The following TPCN1 variants were observed in gnomAD, a reference collection of about 807,000 sequenced individuals.
TPCN1 encodes the protein two pore channel protein 1.
In TPCN1, 52 loss-of-function variants were observed where a neutral mutation model predicts 108.8. The ratio of observed to expected loss-of-function variants is 0.48; its 90% CI spans 0.38 to 0.60. TPCN1 has a LOEUF of 0.60. TPCN1 is among the 20% of genes least tolerant of loss of function. The pLI, the probability that TPCN1 is intolerant of heterozygous loss-of-function variation, is 0.00. For missense variants in TPCN1, 806 were observed against 1,072.8 expected (o/e 0.75, Z 3.47); for synonymous variants, 446 against 433.7 (o/e 1.03, Z -0.35).
chr12:113,226,366 C>T (rs1953470979), intron 1 of TPCN1, among the ~76,000 whole-genome samples: 1 of 152,078 alleles, frequency 6.6e-6, no homozygotes, highest in Admixed American at 6.5e-5. Flanking sequence ...CTGCAGCTTC[C>T]ACCTCCTGGG....
chr12:113,288,403 G>T lies in TPCN1; in HGVS notation c.1706+169G>T. On this transcript the variant is annotated intron_variant, in intron 20 of 27. Transcript: ENST00000335509. The surrounding 1 kb of genome is among the most constrained non-coding windows in gnomAD (Gnocchi z 4.8). Reference sequence around the variant, plus strand: ...AATCTTGACCACCACAGGTCTCCTGGGCACCATTTTTCTCCACTGACCTGT... The same window carrying T: ...AATCTTGACCACCACAGGTCTCCTGTGCACCATTTTTCTCCACTGACCTGT... The T allele has an allele frequency of 6.7e-7, 1 of 1,487,220 alleles. No individual in the cohort carries two copies. The highest frequency in any genetic ancestry group is 8.9e-7 in the Non-Finnish European group (1 of 1,120,698). The allele number at this position is 1,487,220 out of a possible 1,614,324, so 92.1% of individuals were successfully genotyped here. A position where few individuals can be genotyped will look rare whatever the true frequency, so the allele number is the denominator to read the frequency against.
chr12:113,276,767 AC>A (rs1955685664), intron 10 of TPCN1, 151 bp from the exon 11 acceptor site: 4 of 642,644 alleles, frequency 6.2e-6, no homozygotes, highest in Admixed American at 2.6e-5. Flanking sequence ...CTGACTTCCT[AC>A]CCCATGAGGT....
rs1229577114 is a variant in TPCN1 at position 113,268,605 on chromosome 12, A to C, written c.529-137A>C. ...TCTGGGGCTGCCTGATGTTGGCAGG[A>C]AGTGTGAGAGGGCTGGAGAGAGGAG... On this transcript the variant is annotated intron_variant, in intron 5 of 27. Transcript: ENST00000335509. The surrounding 1 kb of genome is among the most constrained non-coding windows in gnomAD (Gnocchi z 7.3). 1 of 1,041,940 alleles carries C rather than the reference A, an allele frequency of 9.6e-7. No individual in the cohort carries two copies. The highest frequency in any genetic ancestry group is 2.7e-5 in the East Asian group (1 of 37,340). The allele number at this position is 1,041,940 out of a possible 1,614,324, so 64.5% of individuals were successfully genotyped here. A position where few individuals can be genotyped will look rare whatever the true frequency, so the allele number is the denominator to read the frequency against.
rs772164536 is a variant in TPCN1, at chr12:113,266,539, G to A, written c.414+183G>A. ...CCTGGGTGTCCCTGCTGGAGTGAAT[G>A]GCCTTCACCCAGTCTCTCTGGGATT... On this transcript the variant is annotated intron_variant, in intron 4 of 27. Transcript: ENST00000335509. The surrounding 1 kb of genome is among the most constrained non-coding windows in gnomAD (Gnocchi z 4.2). 6.6e-6 allele frequency among the ~76,000 whole-genome samples: 1 copy of A among 152,214 alleles called. No individual in the cohort carries two copies. The highest frequency in any genetic ancestry group is 6.5e-5 in the Admixed American group (1 of 15,290).
rs1953714921 is a variant in TPCN1, at chr12:113,232,225, C to T, written c.112+5261C>T. On this transcript the variant is annotated intron_variant, in intron 2 of 27. Coordinates refer to ENST00000335509, the MANE Select transcript of TPCN1 (RefSeq NM_017901.6). This position sits in a 1 kb window ranked among gnomAD's most constrained non-coding sequence, Gnocchi z 5.6. ...CAGCGCAGAGAGCTGACCTCTCCCTCCTTCACGCCGATGCCTGGCACATCA... is the reference window on the plus strand; with the variant it reads ...CAGCGCAGAGAGCTGACCTCTCCCTTCTTCACGCCGATGCCTGGCACATCA... Among the ~76,000 whole-genome samples, 1 of 152,266 alleles carries T rather than the reference C, an allele frequency of 6.6e-6. No homozygotes were observed. The highest frequency in any genetic ancestry group is 2.4e-5 in the African/African-American group (1 of 41,480).
chr12:113,242,796 C>CA (rs2136483848), intron 2 of TPCN1, among the ~76,000 whole-genome samples: 1 of 152,340 alleles, frequency 6.6e-6, no homozygotes, highest in East Asian at 1.9e-4. Flanking sequence ...CCTCATCCCT[C>CA]ATGCTTGAAA....
rs200318809 is a variant in TPCN1, at chr12:113,279,307, G to GTA, written c.1297+482_1297+483dup. 4.5e-3 allele frequency among the ~76,000 whole-genome samples: 582 copies of GTA among 130,078 alleles called. 7 individuals carry two copies. Among genetic ancestry groups the GTA allele is most frequent in the African/African-American group, 0.015 (519 of 33,862 alleles). The allele number at this position is 130,078 out of a possible 152,430, so 85.3% of individuals were successfully genotyped here. Reference sequence around the variant, plus strand: ...TCCAATAACACATATGTGTGTGTGTGTATATATATATGTGTGTGTGTGTGT... The same window carrying GTA: ...TCCAATAACACATATGTGTGTGTGTGTATATATATATATGTGTGTGTGTGTGT... On this transcript the variant is annotated intron_variant, in intron 14 of 27. Coordinates refer to ENST00000335509, the MANE Select transcript of TPCN1 (RefSeq NM_017901.6).
At chr12:113,260,345 A>G in intron 2 of TPCN1, 23 bp from the exon 3 acceptor site, 1 of 1,478,838 alleles carries the variant, frequency 6.8e-7, no homozygotes, top group African/African-American at 1.5e-5. Context: ...TGCCAAGTGA[A>G]TCTCTCTCCT....
At chr12:113,265,575 C>T (rs1955227019) in intron 3 of TPCN1, among the ~76,000 whole-genome samples, 1 of 143,004 alleles carries the variant, frequency 7.0e-6, no homozygotes, top group Admixed American at 7.3e-5. Flanking sequence ...GAGACCAGGT[C>T]TTGCTCTGTG....
chr12:113,240,072 G>A (rs925323906), intron 2 of TPCN1, among the ~76,000 whole-genome samples: 1 of 152,050 alleles, frequency 6.6e-6, no homozygotes, highest in African/African-American at 2.4e-5. Flanking sequence ...CACTTGGCTG[G>A]CCTGCCTGGT....
At chr12:113,264,651 C>G (rs926936966) in intron 3 of TPCN1, among the ~76,000 whole-genome samples, 11 of 151,368 alleles carry the variant, frequency 7.3e-5, no homozygotes, top group African/African-American at 2.7e-4. Flanking sequence ...TGCACTCCAG[C>G]CTGGGTGACA....
At position 113,284,822 on chromosome 12, in the gene TPCN1, G is replaced by A; in HGVS notation, c.1453+51G>A. 1 of 1,596,098 alleles carries A rather than the reference G, an allele frequency of 6.3e-7. No individual in the cohort carries two copies. Among genetic ancestry groups the A allele is most frequent in the South Asian group, 1.1e-5 (1 of 90,686 alleles). ...GACTGCTTGTTTTAAAATTGTCTGG[G>A]AGAACTTTCATTCAGTGTAGAACCT... is the stretch of plus-strand genomic sequence containing the variant. On this transcript the variant is annotated intron_variant, in intron 17 of 27. Transcript: ENST00000335509. The surrounding 1 kb of genome is among the most constrained non-coding windows in gnomAD (Gnocchi z 4.1).
At position 113,266,130 on chromosome 12, in the gene TPCN1, G is replaced by T; in HGVS notation, c.238-50G>T. ...CCCCTGCCCGCGGCTCCTCTTTGGC[G>T]TTGGATGGGTCTCCAGGCTTACATG... On this transcript the variant is annotated intron_variant, in intron 3 of 27. Transcript: ENST00000335509. This position sits in a 1 kb window ranked among gnomAD's most constrained non-coding sequence, Gnocchi z 4.2. The T allele has an allele frequency of 6.3e-7, 1 of 1,599,548 alleles. No individual in the cohort carries two copies. The highest frequency in any genetic ancestry group is 8.5e-7 in the Non-Finnish European group (1 of 1,170,528).
At chr12:113,279,757 C>A (rs550672973) in intron 14 of TPCN1, among the ~76,000 whole-genome samples, 1 of 152,012 alleles carries the variant, frequency 6.6e-6, no homozygotes, top group South Asian at 2.1e-4. Flanking sequence ...TTTGCATGAC[C>A]CCTTGAATAA....
rs2136742642 is a variant in TPCN1 at position 113,288,027 on chromosome 12, G to A, written c.1635-136G>A. On this transcript the variant is annotated intron_variant, in intron 19 of 27. Transcript: ENST00000335509. This position sits in a 1 kb window ranked among gnomAD's most constrained non-coding sequence, Gnocchi z 4.8. Reference sequence around the variant, plus strand: ...AGCTCAGGGTTGGTGGCGCCCAAGGGAGTGGACGCAGGTGGAGGAGAGGCC... The same window carrying A: ...AGCTCAGGGTTGGTGGCGCCCAAGGAAGTGGACGCAGGTGGAGGAGAGGCC... 2 of 807,272 alleles carry A rather than the reference G, an allele frequency of 2.5e-6. No homozygotes were observed. The highest frequency in any genetic ancestry group is 3.5e-5 in the South Asian group (2 of 57,460). The allele number at this position is 807,272 out of a possible 1,614,324, so 50.0% of individuals were successfully genotyped here. A position where few individuals can be genotyped will look rare whatever the true frequency, so the allele number is the denominator to read the frequency against.
Position 113,278,793 on chromosome 12 carries a change from T to C in TPCN1, c.1255T>C (p.Trp419Arg). The change falls in exon 14 of 28, where the codon TGG becomes CGG. Residue 419 changes from tryptophan (W) to arginine (R), a missense_variant. Trp to Arg is a moderately radical substitution (Grantham distance 101, BLOSUM62 -3). Transcript: ENST00000335509. ...KWKAKKNREH[W>R]FDELPRTALL... ...CCAGGCCAAGAAAAACAGAGAGCAC[T>C]GGTTTGATGAGCTTCCCAGGACGGC... The C allele has an allele frequency of 6.2e-7, 1 of 1,614,030 alleles. No individual in the cohort carries two copies. The highest frequency in any genetic ancestry group is 8.5e-7 in the Non-Finnish European group (1 of 1,179,930).
At chr12:113,239,396 T>C (rs1297299582) in intron 2 of TPCN1, among the ~76,000 whole-genome samples, 2 of 152,226 alleles carry the variant, frequency 1.3e-5, no homozygotes, top group Admixed American at 6.5e-5. Context: ...TGGGTGTTAA[T>C]GGCTGTTGTT....
Position 113,277,384 on chromosome 12 carries a change from A to G in TPCN1, c.1184+20A>G, listed in dbSNP as rs1489158904. ...GCTCAGGTAAGAGCAGATGCCTGGT[A>G]GGGGCAGCATGGCCAGACAAGGTGT... On this transcript the variant is annotated intron_variant, in intron 12 of 27. Transcript: ENST00000335509. The G allele has an allele frequency of 1.5e-5, 24 of 1,613,924 alleles. No individual in the cohort carries two copies. The highest frequency in any genetic ancestry group is 2.0e-5 in the Non-Finnish European group (24 of 1,179,908).
chr12:113,248,719 G>T (rs769174488), intron 2 of TPCN1, among the ~76,000 whole-genome samples: 1 of 152,210 alleles, frequency 6.6e-6, no homozygotes, highest in South Asian at 2.1e-4. Flanking sequence ...GAGACCCTCT[G>T]ATCAAGGGAG....
Sources: gnomAD v4.1 joint callset for allele counts (sites outside exome capture counted in the v4.1 genomes callset) on GRCh38, gnomAD v4.1.1 for gene constraint, Gnocchi (gnomAD v3.1) non-coding constraint, MANE v1.5 for transcripts, NCBI Gene and HGNC (gene_info 2026-07-23, HGNC 2026-07-21) for gene names.